Variants in PRAG1 observed in about 807,000 individuals in gnomAD.
PRAG1 encodes the protein PEAK1 related, kinase-activating pseudokinase 1.
A neutral mutation model predicts 95.6 loss-of-function variants in PRAG1; 110 were observed. That is an observed-to-expected ratio of 1.15 (90% CI 0.99 to 1.35). The LOEUF (loss-of-function observed/expected upper bound fraction) is 1.35, where lower values mean the gene tolerates loss of function less well. Among genes scored for constraint, PRAG1 ranks in the 40% most tolerant of loss-of-function variants. The pLI is 0.00. For synonymous variants in PRAG1, 1,052 were observed against 819.4 expected (o/e 1.28, Z -4.85); for missense variants, 2,554 against 1,864.7 (o/e 1.37, Z -6.81).
chr8:8,347,428 T>C (rs1464265394), intron 3 of PRAG1, among the ~76,000 whole-genome samples: 1 of 152,282 alleles, frequency 6.6e-6, no homozygotes, highest in Non-Finnish European at 1.5e-5. Flanking sequence ...GACCTGCAGC[T>C]TTCAATCTCC....
chr8:8,321,336 C>T (rs750076647), intron 5 of PRAG1, among the ~76,000 whole-genome samples: 10 of 152,340 alleles, frequency 6.6e-5, no homozygotes, highest in African/African-American at 2.4e-4. Flanking sequence ...CCTCCCACCT[C>T]GGCCTCCCAA....
At chr8:8,323,155 A>C (rs915006161) in intron 5 of PRAG1, among the ~76,000 whole-genome samples, 1 of 152,198 alleles carries the variant, frequency 6.6e-6, no homozygotes, top group Non-Finnish European at 1.5e-5. Context: ...CTTCAGCTGG[A>C]AACATGCACA....
At position 8,319,317 on chromosome 8, in the gene PRAG1, A is replaced by G. The variant is rs1380271149; in HGVS notation, c.3073-15T>C. The G allele has an allele frequency of 1.3e-6, 2 of 1,490,910 alleles. No homozygotes were observed. The highest frequency in any genetic ancestry group is 1.8e-6 in the Non-Finnish European group (2 of 1,118,536). 92.4% of individuals were successfully genotyped at this position (1,490,910 alleles called of 1,614,324 possible). A position where few individuals can be genotyped will look rare whatever the true frequency, so the allele number is the denominator to read the frequency against. ...GCTTTGCAGATCTGTGGAGAGAAGA[A>G]GAAGTGAAATCAAGAGTGGGGCCCA... On this transcript the variant is annotated splice_polypyrimidine_tract_variant and intron_variant, in intron 5 of 5. Coordinates refer to ENST00000615670, the MANE Select transcript of PRAG1 (RefSeq NM_001080826.3).
chr8:8,364,395 C>T lies in PRAG1; in HGVS notation c.2162+11852G>A, dbSNP rs569360840. Among the ~76,000 whole-genome samples the T allele has an allele frequency of 2.8e-3, 432 of 152,232 alleles. 4 individuals are homozygous for T. Among genetic ancestry groups the T allele is most frequent in the Middle Eastern group, 0.024 (7 of 294 alleles). Reference sequence around the variant, plus strand: ...TTGTTCTGCTTGAATTACAAGAGCACCTTACATGTTAATGCCTTGTCAGTC... The same window carrying T: ...TTGTTCTGCTTGAATTACAAGAGCATCTTACATGTTAATGCCTTGTCAGTC... On this transcript the variant is annotated intron_variant, in intron 3 of 5. Transcript: ENST00000615670.
At chr8:8,362,251 G>A (rs1016358991) in intron 3 of PRAG1, among the ~76,000 whole-genome samples, 4 of 152,190 alleles carry the variant, frequency 2.6e-5, no homozygotes, top group Admixed American at 2.6e-4. Context: ...ACCACAGGTA[G>A]CACCCACCCA....
At chr8:8,361,081 T>C (rs7005904) in intron 3 of PRAG1, among the ~76,000 whole-genome samples, 82,571 of 152,008 alleles carry the variant, frequency 0.54, 23,132 homozygotes, top group East Asian at 0.87. Context: ...ATCTGACATC[T>C]CATAAGGATC....
rs898217035 is a variant in PRAG1, at chr8:8,386,431, G to C, written c.-198C>G. ...GCGGTGCGTGCCCGGCCGCGGGCGGGTGGCTTCTGCCTGGGCCCGGCGGCC... is the reference window on the plus strand; with the variant it reads ...GCGGTGCGTGCCCGGCCGCGGGCGGCTGGCTTCTGCCTGGGCCCGGCGGCC... On this transcript the variant is annotated 5_prime_UTR_variant, in exon 1 of 6. Transcript: ENST00000615670. 1 of 151,690 alleles carries C rather than the reference G, an allele frequency of 6.6e-6. No homozygotes were observed. The highest frequency in any genetic ancestry group is 1.5e-5 in the Non-Finnish European group (1 of 67,886). 9.4% of individuals were successfully genotyped at this position (151,690 alleles called of 1,614,324 possible). A position where few individuals can be genotyped will look rare whatever the true frequency, so the allele number is the denominator to read the frequency against.
rs1157475348 is a variant in PRAG1 at position 8,317,814 on chromosome 8, T to C, written c.*340A>G. On this transcript the variant is annotated 3_prime_UTR_variant, in exon 6 of 6. Transcript: ENST00000615670. Reference sequence around the variant, plus strand: ...TTTAAATAACAATTTGACAAAAGGGTGAAGAAATCCTAAACAAGGTATTGA... The same window carrying C: ...TTTAAATAACAATTTGACAAAAGGGCGAAGAAATCCTAAACAAGGTATTGA... The C allele has an allele frequency of 5.7e-6, 1 of 176,180 alleles. No homozygotes were observed. Among genetic ancestry groups the C allele is most frequent in the Non-Finnish European group, 1.2e-5 (1 of 85,796 alleles). The allele number at this position is 176,180 out of a possible 1,614,324, so 10.9% of individuals were successfully genotyped here.
Position 8,328,271 on chromosome 8 carries a change from G to A in PRAG1, c.2511C>T (p.Ser837=), listed in dbSNP as rs1406270831. ...SPDGFFWTQG[S]PKPGTASPKL... Reference sequence around the variant, plus strand: ...TGGGGCTTGCTGTTCCGGGCTTGGGGGAGCCTTGGGTCCAGAAGAAGCCAT... The same window carrying A: ...TGGGGCTTGCTGTTCCGGGCTTGGGAGAGCCTTGGGTCCAGAAGAAGCCAT... The change falls in exon 5 of 6, where the codon TCC becomes TCT. Residue 837 remains serine, a synonymous_variant. Transcript: ENST00000615670. 6.2e-7 allele frequency: 1 copy of A among 1,614,040 alleles called. No individual in the cohort carries two copies. Among genetic ancestry groups the A allele is most frequent in the Non-Finnish European group, 8.5e-7 (1 of 1,180,010 alleles).
rs145308965 is a variant in PRAG1, at chr8:8,376,953, G to A, written c.1456C>T (p.Arg486Trp). ...VMAAHPEEDHRTIYLSSPDSA... is the reference protein window; with the variant it reads ...VMAAHPEEDHWTIYLSSPDSA... ...TCAGGGCTGCTCAGGTAGATCGTCC[G>A]ATGGTCCTCTTCCGGGTGGGCCGCC... is the stretch of plus-strand genomic sequence containing the variant. Residue 486 changes from arginine (R) to tryptophan (W), a missense_variant, in exon 3 of 6, where the codon CGG (arginine) becomes TGG (tryptophan). Coordinates refer to ENST00000615670, the MANE Select transcript of PRAG1 (RefSeq NM_001080826.3). The A allele has an allele frequency of 2.1e-5, 34 of 1,613,504 alleles. 1 individual carries two copies. In the Middle Eastern group the frequency reaches 2.1e-3, roughly 102 times the overall value.
chr8:8,371,196 C>A (rs1244006690), intron 3 of PRAG1, among the ~76,000 whole-genome samples: 1 of 149,748 alleles, frequency 6.7e-6, no homozygotes, highest in African/African-American at 2.5e-5. Context: ...TGCTCCCCAG[C>A]AGCCCCACAG....
chr8:8,382,855 G>A (rs951524988), intron 1 of PRAG1, among the ~76,000 whole-genome samples: 6 of 152,174 alleles, frequency 3.9e-5, no homozygotes, highest in Non-Finnish European at 8.8e-5. Flanking sequence ...CCAGCCCATA[G>A]ACACGGGAGA....
At chr8:8,328,990 A>G (rs949431316) in intron 4 of PRAG1, among the ~76,000 whole-genome samples, 1 of 152,220 alleles carries the variant, frequency 6.6e-6, no homozygotes, top group Non-Finnish European at 1.5e-5. Context: ...ATTGTTTCCA[A>G]TATTTTGCAA....
intron 3 of PRAG1, among the ~76,000 whole-genome samples, chr8:8,371,349 CT>C (rs1800196705): frequency 6.6e-6 from 1 of 151,732 alleles, no homozygotes; most frequent in South Asian, 2.1e-4. Flanking sequence ...CAAGCTCCGC[CT>C]CCCGGGTTCA....
chr8:8,339,607 A>G lies in PRAG1; in HGVS notation c.2191T>C (p.Ser731Pro), dbSNP rs1169155264. The G allele has an allele frequency of 1.2e-6, 2 of 1,613,242 alleles. No homozygotes were observed. The highest frequency in any genetic ancestry group is 1.7e-4 in the Middle Eastern group (1 of 6,058). The stretch of plus-strand genomic sequence containing the variant: ...CCCTGGCTCACTTTTTCCAAATCAG[A>G]GCTGCTCTTGTTCATTTTTAGAAGG... ...RHLLKMNKSS[S>P]DLEKVSQGSA... Residue 731 changes from serine to proline, a missense_variant, in exon 4 of 6, where the codon TCT becomes CCT. Transcript: ENST00000615670.
intron 3 of PRAG1, among the ~76,000 whole-genome samples, chr8:8,355,066 T>A (rs904549994): frequency 1.3e-5 from 2 of 150,642 alleles, no homozygotes; most frequent in Non-Finnish European, 3.0e-5. Context: ...ATGAATTCGG[T>A]AAAGTTGCAG....
chr8:8,326,121 T>G (rs907295824), intron 5 of PRAG1, among the ~76,000 whole-genome samples: 1 of 147,722 alleles, frequency 6.8e-6, no homozygotes, highest in African/African-American at 2.5e-5. Flanking sequence ...AATAATACTA[T>G]TACTACTACT....
At chr8:8,325,387 G>A (rs1473284494) in intron 5 of PRAG1, among the ~76,000 whole-genome samples, 3 of 152,168 alleles carry the variant, frequency 2.0e-5, no homozygotes, top group Non-Finnish European at 4.4e-5. Context: ...ACGTCTCCAG[G>A]AAAGTCAACT....
At chr8:8,349,605 G>C (rs1479349929) in intron 3 of PRAG1, among the ~76,000 whole-genome samples, 1 of 151,956 alleles carries the variant, frequency 6.6e-6, no homozygotes, top group African/African-American at 2.4e-5. Flanking sequence ...TTTATCGTTG[G>C]AGCTTTTTGA....
Sources: allele counts gnomAD v4.1 joint callset (sites outside exome capture counted in the v4.1 genomes callset), GRCh38; gene constraint gnomAD v4.1.1; transcripts MANE v1.5; gene names NCBI Gene and HGNC (gene_info 2026-07-23, HGNC 2026-07-21).